CYP2C18: variants seen among roughly 807,000 people sequenced by gnomAD.
CYP2C18 encodes cytochrome P450 2C18.
Under a neutral mutation model 41.3 loss-of-function variants are expected in CYP2C18, and 38 were observed. That is an observed-to-expected ratio of 0.92 (90% CI 0.71 to 1.21). The LOEUF (loss-of-function observed/expected upper bound fraction) is 1.21, where lower values mean the gene tolerates loss of function less well. Ranked by LOEUF, CYP2C18 falls within the 50% of genes most tolerant of loss-of-function variation. CYP2C18 has a pLI of 0.00. For synonymous variants in CYP2C18, 236 were observed against 210.0 expected (o/e 1.12, Z -1.07); for missense variants, 635 against 591.4 (o/e 1.07, Z -0.77).
chr10:94,722,278 G>T (rs1419007386), intron 6 of CYP2C18, among the ~76,000 whole-genome samples: 1 of 151,812 alleles, frequency 6.6e-6, no homozygotes, highest in African/African-American at 2.4e-5. Context: ...TTTTTCTTAG[G>T]GTCAATAGTT....
At chr10:94,715,769 C>T in intron 5 of CYP2C18, among the ~76,000 whole-genome samples, 1 of 152,140 alleles carries the variant, frequency 6.6e-6, no homozygotes, top group Non-Finnish European at 1.5e-5. Flanking sequence ...ACCACCTCCT[C>T]CTTGTACCTC....
intron 4 of CYP2C18, among the ~76,000 whole-genome samples, chr10:94,705,562 AT>A (rs892502448): frequency 7.2e-5 from 11 of 152,108 alleles, no homozygotes; most frequent in Middle Eastern, 3.4e-3. Context: ...TTAAGTTGCC[AT>A]TTTTTTTATT....
chr10:94,717,679 G>A (rs576817428), intron 5 of CYP2C18, among the ~76,000 whole-genome samples: 1 of 151,962 alleles, frequency 6.6e-6, no homozygotes, highest in Non-Finnish European at 1.5e-5. Flanking sequence ...TTAGCATTTG[G>A]ATATCCAGTT....
chr10:94,734,356 A>G (rs1220897571), intron 8 of CYP2C18, among the ~76,000 whole-genome samples: 1 of 152,110 alleles, frequency 6.6e-6, no homozygotes, highest in Admixed American at 6.6e-5. Context: ...TGGATCTGGC[A>G]CTGTATACAC....
At chr10:94,684,158 G>A (rs555659067) in intron 1 of CYP2C18, among the ~76,000 whole-genome samples, 171 bp downstream of exon 1, 63 of 152,084 alleles carry the variant, frequency 4.1e-4, no homozygotes, top group Non-Finnish European at 7.6e-4. Context: ...AGGGTAATTA[G>A]CATATCCATC....
chr10:94,730,911 C>T (rs1010166516), intron 7 of CYP2C18, among the ~76,000 whole-genome samples: 4 of 152,084 alleles, frequency 2.6e-5, no homozygotes, highest in Non-Finnish European at 2.9e-5. Context: ...AAATCAAGAA[C>T]GCAATCCCAT....
intron 1 of CYP2C18, among the ~76,000 whole-genome samples, chr10:94,685,822 G>A (rs1306809354): frequency 6.6e-6 from 1 of 152,024 alleles, no homozygotes; most frequent in African/African-American, 2.4e-5. Flanking sequence ...GCAGTTCAGT[G>A]GTGTGATGCC....
chr10:94,729,446 A>G (rs1056615004), intron 7 of CYP2C18, among the ~76,000 whole-genome samples: 3 of 152,132 alleles, frequency 2.0e-5, no homozygotes, highest in Admixed American at 1.3e-4. Context: ...GCAAGGAAAT[A>G]TGCTGTGGCA....
intron 5 of CYP2C18, 43 bp from the exon 6 acceptor site, chr10:94,720,353 C>A: frequency 6.6e-7 from 1 of 1,519,794 alleles, no homozygotes; most frequent in Non-Finnish European, 8.9e-7. Context: ...ATTTAATATG[C>A]TGGCAAACTA....
At chr10:94,714,955 T>A (rs112740290) in intron 5 of CYP2C18, among the ~76,000 whole-genome samples, 1 of 152,178 alleles carries the variant, frequency 6.6e-6, no homozygotes, top group African/African-American at 2.4e-5. Flanking sequence ...GAATGGGAGT[T>A]CACTCATGAT....
At chr10:94,686,732 G>T (rs2134173410) in intron 1 of CYP2C18, among the ~76,000 whole-genome samples, 1 of 152,216 alleles carries the variant, frequency 6.6e-6, no homozygotes, top group South Asian at 2.1e-4. Context: ...TTTTGTCATT[G>T]TCAGAAATAG....
chr10:94,716,518 T>C (rs1263394837), intron 5 of CYP2C18, among the ~76,000 whole-genome samples: 2 of 152,216 alleles, frequency 1.3e-5, no homozygotes, highest in Non-Finnish European at 2.9e-5. Flanking sequence ...ATTGTAGTTC[T>C]AGTTTGATTG....
At position 94,683,853 on chromosome 10, in the gene CYP2C18, T is replaced by G. The variant is rs370987812; in HGVS notation, c.34T>G (p.Ser12Ala). ...DPAVALVLCLSCLFLLSLWRQ... is the reference protein window; with the variant it reads ...DPAVALVLCLACLFLLSLWRQ... ...AGCTGTGGCTCTGGTGCTCTGTCTC[T>G]CCTGTTTGTTTCTCCTTTCACTCTG... is the stretch of plus-strand genomic sequence containing the variant. Residue 12 changes from serine (S) to alanine (A), a missense_variant, in exon 1 of 9, where the codon TCC becomes GCC. Transcript: ENST00000285979. 1 of 1,609,938 alleles carries G rather than the reference T, an allele frequency of 6.2e-7. No homozygotes were observed. The highest frequency in any genetic ancestry group is 1.3e-5 in the African/African-American group (1 of 74,830).
Position 94,735,568 on chromosome 10 carries a change from A to T in CYP2C18, c.*124A>T. 1.0e-6 allele frequency: 1 copy of T among 966,760 alleles called. No homozygotes were observed. Among genetic ancestry groups the T allele is most frequent in the South Asian group, 1.6e-5 (1 of 64,352 alleles). 59.9% of individuals were successfully genotyped at this position (966,760 alleles called of 1,614,324 possible). On this transcript the variant is annotated 3_prime_UTR_variant, in exon 9 of 9. Coordinates refer to ENST00000285979, the MANE Select transcript of CYP2C18 (RefSeq NM_000772.3). ...CTGACTTGTCAATCCACATCTTCCC[A>T]TTCCCTCAAGATCCAATGAACATCC...
intron 5 of CYP2C18, among the ~76,000 whole-genome samples, chr10:94,710,622 A>T (rs947173468): frequency 6.6e-6 from 1 of 152,204 alleles, no homozygotes; most frequent in Non-Finnish European, 1.5e-5. Flanking sequence ...GATTTTTCAA[A>T]TTCACTTAAA....
At chr10:94,719,915 T>C (rs1481077696) in intron 5 of CYP2C18, among the ~76,000 whole-genome samples, 2 of 152,050 alleles carry the variant, frequency 1.3e-5, no homozygotes, top group African/African-American at 4.8e-5. Flanking sequence ...GTCTCACTTG[T>C]TGCCCAGGCT....
At chr10:94,722,199 C>A (rs988430806) in intron 6 of CYP2C18, among the ~76,000 whole-genome samples, 3 of 152,038 alleles carry the variant, frequency 2.0e-5, no homozygotes, top group African/African-American at 4.8e-5. Context: ...GATATTTAAG[C>A]AGAAAATGTG....
chr10:94,685,218 G>A (rs1351006615), intron 1 of CYP2C18, among the ~76,000 whole-genome samples: 1 of 151,992 alleles, frequency 6.6e-6, no homozygotes, highest in Non-Finnish European at 1.5e-5. Context: ...ATGCTTTGTA[G>A]AGATGTGGTC....
rs531459057 is a variant in CYP2C18, at chr10:94,700,560, A to G, written c.642+5483A>G. On this transcript the variant is annotated intron_variant, in intron 4 of 8. Transcript: ENST00000285979. ...AGGCAATACCATTCAGGACAGAGGC[A>G]TGGGCAAGGACTTCATGTCTGGAAT... 1.1e-3 allele frequency among the ~76,000 whole-genome samples: 162 copies of G among 152,348 alleles called. 3 individuals carry two copies. The highest frequency in any genetic ancestry group is 3.1e-4 in the Non-Finnish European group (21 of 68,022).
Sources: gnomAD v4.1 joint callset for allele counts (sites outside exome capture counted in the v4.1 genomes callset) on GRCh38, gnomAD v4.1.1 for gene constraint, MANE v1.5 for transcripts, NCBI Gene and HGNC (gene_info 2026-07-23, HGNC 2026-07-21) for gene names.